The following GCN1 variants were observed in gnomAD, a reference collection of about 807,000 sequenced individuals.
GCN1 encodes the protein GCN1 activator of EIF2AK4, also known as stalled ribosome sensor GCN1.
In GCN1, 90 loss-of-function variants were observed where a neutral mutation model predicts 288.4. That is an observed-to-expected ratio of 0.31 (90% CI 0.26 to 0.37). The LOEUF (loss-of-function observed/expected upper bound fraction) is 0.37, where lower values mean the gene tolerates loss of function less well. Ranked by LOEUF, GCN1 falls within the 10% of genes least tolerant of loss-of-function variation. The probability of loss-of-function intolerance (pLI) is 1.00; values close to 1 mark genes in which losing one functional copy is unlikely to be tolerated. For missense variants in GCN1, 2,586 were observed against 3,419.9 expected, an observed-to-expected ratio of 0.76 and a Z score of 6.08; for synonymous variants, 1,386 against 1,420.2, an observed-to-expected ratio of 0.98 and a Z score of 0.54.
chr12:120,165,638 T>A (rs1878098758), intron 16 of GCN1, among the ~76,000 whole-genome samples: 1 of 150,794 alleles, frequency 6.6e-6, no homozygotes, highest in African/African-American at 2.4e-5. Flanking sequence ...TGGCTAATTT[T>A]TTTTTTTCTA....
chr12:120,188,225 G>C (rs1164641601), intron 2 of GCN1, among the ~76,000 whole-genome samples: 1 of 151,996 alleles, frequency 6.6e-6, no homozygotes, highest in Non-Finnish European at 1.5e-5. Context: ...CCTGAGATCA[G>C]GAGTTCAAGA....
chr12:120,160,976 C>A (rs562830890), intron 22 of GCN1, among the ~76,000 whole-genome samples: 1 of 152,290 alleles, frequency 6.6e-6, no homozygotes, highest in East Asian at 1.9e-4. Context: ...GAGAAGCACA[C>A]ATGTGGACTG....
rs759663809 is a variant in GCN1, at chr12:120,129,471, G to A, written c.7695C>T (p.Asp2565=). Residue 2565 remains aspartate, a synonymous_variant, in exon 57 of 58, where the codon GAC becomes GAT. Coordinates refer to ENST00000300648, the MANE Select transcript of GCN1 (RefSeq NM_006836.2). ...FVKCLQNPSS[D]IRLVAEKMIW... Reference sequence around the variant, plus strand: ...TCATCTTCTCAGCCACCAGCCTGATGTCGCTGGATGGGTTCTGCAGACACT... The same window carrying A: ...TCATCTTCTCAGCCACCAGCCTGATATCGCTGGATGGGTTCTGCAGACACT... 5 of 1,613,598 alleles carry A rather than the reference G, an allele frequency of 3.1e-6. No individual in the cohort carries two copies. Among genetic ancestry groups the A allele is most frequent in the Non-Finnish European group, 4.2e-6 (5 of 1,179,496 alleles).
At chr12:120,140,766 C>T (rs1877162617) in intron 45 of GCN1, 93 bp downstream of exon 45, 2 of 1,269,018 alleles carry the variant, frequency 1.6e-6, no homozygotes, top group East Asian at 2.3e-5. Context: ...GCACAAACCC[C>T]CTAGAGGTGA....
At chr12:120,152,875 A>G (rs1301180553) in intron 33 of GCN1, among the ~76,000 whole-genome samples, 1 of 151,972 alleles carries the variant, frequency 6.6e-6, no homozygotes, top group Non-Finnish European at 1.5e-5. Context: ...AGTGCACGTT[A>G]GTGAATAGAA....
intron 38 of GCN1, among the ~76,000 whole-genome samples, chr12:120,146,629 G>A (rs1234129898): frequency 6.6e-6 from 1 of 152,016 alleles, no homozygotes; most frequent in African/African-American, 2.4e-5. Flanking sequence ...CAGAGCTATG[G>A]CAGACAGTGA....
rs118078431 is a variant in GCN1, at chr12:120,147,106, C to T, written c.4893G>A (p.Thr1631=). 4,111 of 1,602,908 alleles carry T rather than the reference C, an allele frequency of 2.6e-3. 5 individuals are homozygous for T. Among genetic ancestry groups the T allele is most frequent in the Non-Finnish European group, 3.2e-3 (3,759 of 1,171,882 alleles). Residue 1631 remains threonine (T), a synonymous_variant, in exon 38 of 58, where the codon ACG becomes ACA. Transcript: ENST00000300648. ...QRAFQDRSTD[T]RKMAAQIIGN... is the part of the protein sequence containing the mutation. ...CAATAATCTGGGCTGCCATCTTCCG[C>T]GTGTCCGTGGAACGGTCCTGGAAGG...
rs1415580145 is a variant in GCN1, at chr12:120,161,599, G to A, written c.2343-16C>T. On this transcript the variant is annotated splice_polypyrimidine_tract_variant and intron_variant, in intron 21 of 57. Coordinates refer to ENST00000300648, the MANE Select transcript of GCN1 (RefSeq NM_006836.2). ...CTGCTGGGCACTGAAACACCAGAGT[G>A]GGTCATCAGCCAGCTTGAAAAGCAC... The A allele has an allele frequency of 2.5e-6, 4 of 1,584,220 alleles. No individual in the cohort carries two copies. Among genetic ancestry groups the A allele is most frequent in the African/African-American group, 2.7e-5 (2 of 74,262 alleles).
intron 17 of GCN1, 47 bp downstream of exon 17, chr12:120,164,599 C>T: frequency 6.2e-7 from 1 of 1,600,964 alleles, no homozygotes; most frequent in Non-Finnish European, 8.6e-7. Flanking sequence ...TCCTGCCAGC[C>T]TTTGCCTCAT....
rs781034548 is a variant in GCN1 at position 120,127,883 on chromosome 12, G to A, written c.7982C>T (p.Ser2661Phe). The A allele has an allele frequency of 4.3e-6, 7 of 1,613,986 alleles. No individual in the cohort carries two copies. The East Asian group carries it at 1.3e-4, about 31-fold the overall frequency. The change falls in exon 58 of 58, where the codon TCC (serine) becomes TTC (phenylalanine). Residue 2661 changes from serine to phenylalanine, a missense_variant. Coordinates refer to ENST00000300648, the MANE Select transcript of GCN1 (RefSeq NM_006836.2). The part of the protein sequence containing the change: ...SLKKLASQAD[S>F]TEQVDDTILT ...GATGGTGTCGTCCACCTGCTCCGTGGAGTCGGCCTGGCTGGCCAGCTTCTT... is the reference window on the plus strand; with the variant it reads ...GATGGTGTCGTCCACCTGCTCCGTGAAGTCGGCCTGGCTGGCCAGCTTCTT...
At chr12:120,179,257 A>G (rs1878575085) in intron 5 of GCN1, among the ~76,000 whole-genome samples, 1 of 151,608 alleles carries the variant, frequency 6.6e-6, no homozygotes, top group Non-Finnish European at 1.5e-5. Flanking sequence ...TTTAAGACGG[A>G]GTCTCGCTCT....
chr12:120,143,485 G>A (rs1877261903), intron 42 of GCN1, among the ~76,000 whole-genome samples: 1 of 152,098 alleles, frequency 6.6e-6, no homozygotes, highest in Non-Finnish European at 1.5e-5. Flanking sequence ...GGAAGGCTGA[G>A]GCAGGAGAAT....
chr12:120,187,826 T>C (rs1481355145), intron 2 of GCN1, among the ~76,000 whole-genome samples: 1 of 147,672 alleles, frequency 6.8e-6, no homozygotes, highest in South Asian at 2.1e-4. Context: ...ATGCTGCCTG[T>C]CCAGGGACCA....
intron 53 of GCN1, among the ~76,000 whole-genome samples, chr12:120,133,875 G>A (rs1236907843): frequency 6.6e-6 from 1 of 152,192 alleles, no homozygotes; most frequent in Non-Finnish European, 1.5e-5. Context: ...TTTGAGACCA[G>A]ACTGACCAAC....
Position 120,175,854 on chromosome 12 carries a change from G to A in GCN1, c.934C>T (p.Pro312Ser). The A allele has an allele frequency of 1.9e-6, 3 of 1,610,742 alleles. No individual in the cohort carries two copies. Among genetic ancestry groups the A allele is most frequent in the Non-Finnish European group, 2.5e-6 (3 of 1,179,036 alleles). ...AGCACAGCTTCATCCATCAGGCGGG[G>A]ACTGTTGGATTTCAGGTGACCTGCA... is the stretch of plus-strand genomic sequence containing the variant. ...GLAGHLKSNS[P>S]RLMDEAVLAL... Residue 312 changes from proline (P) to serine (S), a missense_variant, in exon 11 of 58, where the codon CCC becomes TCC. Physicochemically the swap from Pro to Ser is moderately conservative, Grantham distance 74. Around this residue, in one of 8 missense-constraint regions of GCN1, gnomAD observed 913 missense variants for 1,107.0 expected, o/e 0.82. Coordinates refer to ENST00000300648, the MANE Select transcript of GCN1 (RefSeq NM_006836.2).
At chr12:120,151,005 TG>T in intron 34 of GCN1, 139 bp downstream of exon 34, 1 of 880,292 alleles carries the variant, frequency 1.1e-6, no homozygotes, top group Non-Finnish European at 1.8e-6. Context: ...GCAGCTGGAC[TG>T]GGTCGCACAC....
At chr12:120,171,875 T>C (rs1878324190) in intron 14 of GCN1, among the ~76,000 whole-genome samples, 1 of 152,342 alleles carries the variant, frequency 6.6e-6, no homozygotes, top group South Asian at 2.1e-4. Flanking sequence ...CAAACTGATA[T>C]ATATAGTACA....
chr12:120,186,156 C>T (rs144310999), intron 2 of GCN1, among the ~76,000 whole-genome samples: 4 of 151,940 alleles, frequency 2.6e-5, no homozygotes, highest in Non-Finnish European at 5.9e-5. Context: ...CTGGCCAACA[C>T]GGTGAAACCC....
intron 24 of GCN1, among the ~76,000 whole-genome samples, chr12:120,159,121 G>T (rs1342536069): frequency 6.6e-6 from 1 of 152,132 alleles, no homozygotes; most frequent in Admixed American, 6.6e-5. Flanking sequence ...TTGCCCTTTG[G>T]ACATTTAAGA....
Sources: gnomAD v4.1 joint callset for allele counts (sites outside exome capture counted in the v4.1 genomes callset) on GRCh38, gnomAD v4.1.1 for gene constraint, gnomAD v4.1.1 regional missense constraint, MANE v1.5 for transcripts, NCBI Gene and HGNC (gene_info 2026-07-23, HGNC 2026-07-21) for gene names.